CCDC175: variants seen among roughly 807,000 people sequenced by gnomAD.
The protein encoded by CCDC175 is coiled-coil domain-containing protein 175.
Under a neutral mutation model 114.6 loss-of-function variants are expected in CCDC175, and 100 were observed. That is an observed-to-expected ratio of 0.87 (90% CI 0.74 to 1.03). The LOEUF (loss-of-function observed/expected upper bound fraction) is 1.03, where lower values mean the gene tolerates loss of function less well. Ranked by LOEUF, CCDC175 falls within the 50% of genes least tolerant of loss-of-function variation. CCDC175 has a pLI of 0.00. For synonymous variants in CCDC175, 306 were observed against 308.7 expected, an observed-to-expected ratio of 0.99 and a Z score of 0.09; for missense variants, 880 against 917.8, an observed-to-expected ratio of 0.96 and a Z score of 0.53.
intron 16 of CCDC175, among the ~76,000 whole-genome samples, chr14:59,522,926 T>G (rs947987847): frequency 2.5e-4 from 38 of 152,238 alleles, no homozygotes; most frequent in Admixed American, 2.5e-3. Context: ...ATCTCTGTAT[T>G]TACTGTGTCT....
intron 3 of CCDC175, among the ~76,000 whole-genome samples, chr14:59,571,174 G>A (rs1010761574): frequency 2.1e-5 from 3 of 143,974 alleles, no homozygotes; most frequent in Admixed American, 6.9e-5. Flanking sequence ...AAAAGAGATC[G>A]AAGACCTAAA....
chr14:59,507,223 G>A (rs1892480293), intron 19 of CCDC175, among the ~76,000 whole-genome samples: 1 of 152,196 alleles, frequency 6.6e-6, no homozygotes, highest in African/African-American at 2.4e-5. Flanking sequence ...GGCAGTTCTT[G>A]ACCAGCTTAT....
intron 15 of CCDC175, among the ~76,000 whole-genome samples, chr14:59,526,842 CCTCT>C (rs1475989865): frequency 1.3e-5 from 2 of 152,132 alleles, no homozygotes; most frequent in Non-Finnish European, 2.9e-5. Flanking sequence ...AGTCTCTCTC[CCTCT>C]TTCTCTGTAT....
intron 17 of CCDC175, among the ~76,000 whole-genome samples, chr14:59,518,651 T>G (rs955427321): frequency 1.1e-4 from 16 of 152,102 alleles, no homozygotes; most frequent in Admixed American, 8.5e-4. Flanking sequence ...TGGCAATCAT[T>G]AAAAAGTCAG....
chr14:59,525,404 G>A lies in CCDC175; in HGVS notation c.1873C>T (p.Arg625Ter), dbSNP rs1220437776. 2.7e-5 allele frequency: 41 copies of A among 1,510,460 alleles called. No homozygotes were observed. Among genetic ancestry groups the A allele is most frequent in the Non-Finnish European group, 3.4e-5 (39 of 1,139,432 alleles). 93.6% of individuals were successfully genotyped at this position (1,510,460 alleles called of 1,614,324 possible). Residue 625 changes from arginine (R) to a stop codon, truncating the protein, a stop_gained, in exon 16 of 20, where the codon CGA (arginine) becomes TGA (stop). Coordinates refer to ENST00000537690, the MANE Select transcript of CCDC175 (RefSeq NM_001164399.2). LOFTEE classifies it high-confidence loss of function. ...TTGTTTTTTTTGCTTTCTTGATCTC[G>A]TAATTGTTGTAATTCTTGTTTTACA... ...EDVKQELQQL[R>*]DQESKKNKDH...
chr14:59,557,427 G>A (rs1895972066), intron 7 of CCDC175, among the ~76,000 whole-genome samples: 1 of 146,710 alleles, frequency 6.8e-6, no homozygotes, highest in African/African-American at 2.5e-5. Context: ...GAGAACACAT[G>A]GACACAGGAA....
chr14:59,542,355 T>C lies in CCDC175; in HGVS notation c.1283+989A>G, dbSNP rs564546180. On this transcript the variant is annotated intron_variant, in intron 10 of 19. Coordinates refer to ENST00000537690, the MANE Select transcript of CCDC175 (RefSeq NM_001164399.2). ...GCCCAACTGAACTATAAGCTCCTTA[T>C]GCTCAGTCTTAATGTGTACAATGGT... Among the ~76,000 whole-genome samples the C allele has an allele frequency of 9.2e-5, 14 of 152,340 alleles. No individual in the cohort carries two copies. The Middle Eastern group carries it at 0.01, about 111-fold the overall frequency.
chr14:59,560,522 A>G (rs1896171458), intron 7 of CCDC175, among the ~76,000 whole-genome samples: 1 of 152,186 alleles, frequency 6.6e-6, no homozygotes, highest in African/African-American at 2.4e-5. Flanking sequence ...TGCCAGGTCA[A>G]TTCGGAGGAT....
chr14:59,534,033 T>A (rs867722328), intron 13 of CCDC175, among the ~76,000 whole-genome samples: 6 of 150,364 alleles, frequency 4.0e-5, no homozygotes, highest in African/African-American at 9.8e-5. Flanking sequence ...TTATCCATAC[T>A]AGGTTTTTTA....
intron 4 of CCDC175, among the ~76,000 whole-genome samples, chr14:59,566,554 C>T (rs1043347071): frequency 2.6e-5 from 4 of 152,110 alleles, no homozygotes; most frequent in Non-Finnish European, 4.4e-5. Flanking sequence ...GCAGAGGAAG[C>T]CTTCTAAGAA....
intron 18 of CCDC175, 63 bp downstream of exon 18, chr14:59,511,693 TTAGG>T (rs1892762103): frequency 4.7e-6 from 6 of 1,288,832 alleles, no homozygotes; most frequent in African/African-American, 1.5e-5. Context: ...CACACACTTA[TTAGG>T]TAGGTAAACA....
chr14:59,545,114 C>A, intron 9 of CCDC175, 49 bp downstream of exon 9: 1 of 1,489,668 alleles, frequency 6.7e-7, no homozygotes, highest in Non-Finnish European at 8.9e-7. Context: ...GCAAGAAAAG[C>A]ACCCCATAAT....
In CCDC175 at chr14:59,555,498, A is replaced by G. The variant is rs369299541; in HGVS notation, c.954-4062T>C. 3.1e-4 allele frequency among the ~76,000 whole-genome samples: 47 copies of G among 152,352 alleles called. No homozygotes were observed. The East Asian group carries it at 8.5e-3, about 27-fold the overall frequency. ...TAAGAGCTATTTATGACAAACCCAC[A>G]GCCAATATCATACTGAATGGGCAAA... On this transcript the variant is annotated intron_variant, in intron 7 of 19. Transcript: ENST00000537690.
In CCDC175 at chr14:59,521,690, G is replaced by A. The variant is rs754559515; in HGVS notation, c.1996-14C>T. ...GTATAAAATATACTGAAAATTAAAA[G>A]CATGTGATTGCTTTTAGCAGTTTAG... On this transcript the variant is annotated splice_polypyrimidine_tract_variant and intron_variant, in intron 16 of 19. Transcript: ENST00000537690. The A allele has an allele frequency of 2.9e-6, 4 of 1,359,354 alleles. No homozygotes were observed. In the Middle Eastern group the frequency reaches 5.3e-4, roughly 181 times the overall value. The allele number at this position is 1,359,354 out of a possible 1,614,324, so 84.2% of individuals were successfully genotyped here.
At chr14:59,509,219 G>T (rs1016163783) in intron 19 of CCDC175, among the ~76,000 whole-genome samples, 1 of 152,168 alleles carries the variant, frequency 6.6e-6, no homozygotes, top group African/African-American at 2.4e-5. Context: ...ACTTACAGAT[G>T]ATTTAGCTCT....
At chr14:59,545,389 G>A (rs1895041879) in intron 8 of CCDC175, 90 bp from the exon 9 acceptor site, 1 of 1,159,558 alleles carries the variant, frequency 8.6e-7, no homozygotes, top group Non-Finnish European at 1.2e-6. Flanking sequence ...GAGAGCACCT[G>A]GGATATTGCT....
chr14:59,573,603 G>T (rs1044792017), intron 2 of CCDC175, among the ~76,000 whole-genome samples: 128 of 88,920 alleles, frequency 1.4e-3, no homozygotes, highest in African/African-American at 5.0e-3. Context: ...GATTGATCTG[G>T]TTTTTTGTTT....
In CCDC175 at chr14:59,557,619, CAAAAAG is replaced by C. The variant is rs1895988993; in HGVS notation, c.953+3494_953+3499del. Among the ~76,000 whole-genome samples, 3 of 107,774 alleles carry C rather than the reference CAAAAAG, an allele frequency of 2.8e-5. No homozygotes were observed. In the South Asian group the frequency reaches 9.2e-4, roughly 33 times the overall value. The allele number at this position is 107,774 out of a possible 152,430, so 70.7% of individuals were successfully genotyped here. On this transcript the variant is annotated intron_variant, in intron 7 of 19. Transcript: ENST00000537690. The stretch of plus-strand genomic sequence containing the variant: ...ACTCTAGAACTTAAAGTATAAAAAA[CAAAAAG>C]AAAAAGAAAAAAAAAAAGAACATGC...
At chr14:59,543,658 C>A (rs1337305843) in intron 9 of CCDC175, among the ~76,000 whole-genome samples, 2 of 152,046 alleles carry the variant, frequency 1.3e-5, no homozygotes. Flanking sequence ...TTTTTCCCAG[C>A]TGATTTTTGT....
Sources: gnomAD v4.1 joint callset for allele counts (sites outside exome capture counted in the v4.1 genomes callset) on GRCh38, gnomAD v4.1.1 for gene constraint, MANE v1.5 for transcripts, NCBI Gene and HGNC (gene_info 2026-07-23, HGNC 2026-07-21) for gene names.